The following PIK3C2G variants were observed in gnomAD, a reference collection of about 807,000 sequenced individuals.
PIK3C2G encodes phosphatidylinositol 3-kinase C2 domain-containing subunit gamma.
PIK3C2G carries 168 observed loss-of-function variants against 181.1 expected under a neutral mutation model. The observed-to-expected ratio is 0.93, with a 90% CI of 0.82 to 1.05. PIK3C2G has a LOEUF of 1.05. Among genes scored for constraint, PIK3C2G ranks in the 50% least tolerant of loss-of-function variants. The pLI is 0.00. For synonymous variants in PIK3C2G, 573 were observed against 592.2 expected (o/e 0.97, Z 0.47); for missense variants, 1,869 against 1,732.8 (o/e 1.08, Z -1.40).
chr12:18,470,974 A>G (rs866017680), intron 18 of PIK3C2G, among the ~76,000 whole-genome samples: 1 of 152,158 alleles, frequency 6.6e-6, no homozygotes, highest in South Asian at 2.1e-4. Flanking sequence ...TTAATTTTAT[A>G]TATCCAAAGA....
intron 18 of PIK3C2G, among the ~76,000 whole-genome samples, chr12:18,486,652 A>C (rs966424707): frequency 3.3e-5 from 5 of 152,024 alleles, no homozygotes; most frequent in Non-Finnish European, 7.4e-5. Flanking sequence ...AGATCAGGTT[A>C]AAAATACTTA....
At chr12:18,440,639 G>A (rs1005983229) in intron 18 of PIK3C2G, among the ~76,000 whole-genome samples, 1 of 152,090 alleles carries the variant, frequency 6.6e-6, no homozygotes, top group Non-Finnish European at 1.5e-5. Flanking sequence ...TGGGGTGTTG[G>A]GAGGACAACA....
At chr12:18,464,228 C>T (rs1948067364) in intron 18 of PIK3C2G, among the ~76,000 whole-genome samples, 1 of 152,050 alleles carries the variant, frequency 6.6e-6, no homozygotes, top group African/African-American at 2.4e-5. Flanking sequence ...TGGTGAGCAC[C>T]TTTTCCTCAT....
At chr12:18,636,877 C>T (rs1949626543) in intron 31 of PIK3C2G, among the ~76,000 whole-genome samples, 1 of 152,178 alleles carries the variant, frequency 6.6e-6, no homozygotes, top group Non-Finnish European at 1.5e-5. Context: ...TCCCACTTCA[C>T]CTTTTTCACC....
rs34500497 is a variant in PIK3C2G at position 18,469,778 on chromosome 12, T to TAA, written c.2505-18658_2505-18657dup. 2.3e-3 allele frequency among the ~76,000 whole-genome samples: 334 copies of TAA among 146,510 alleles called. 1 individual carries two copies. The highest frequency in any genetic ancestry group is 5.7e-3 in the African/African-American group (230 of 40,324). On this transcript the variant is annotated intron_variant, in intron 18 of 32. Coordinates refer to ENST00000538779, the MANE Select transcript of PIK3C2G (RefSeq NM_001288772.2). ...TTAATTCACCTGTGAAGTCTCTCTT[T>TAA]AAAAAAAAAAAAAAGCTTATTACAC...
the PIK3C2G span, among the ~76,000 whole-genome samples, chr12:18,700,402 C>T: frequency 2.1e-4 from 31 of 149,818 alleles, no homozygotes; most frequent in African/African-American, 7.4e-4. Context: ...TGCTCATGCT[C>T]AATCCAAGTA....
intron 14 of PIK3C2G, among the ~76,000 whole-genome samples, chr12:18,389,906 A>C (rs1358829824): frequency 6.6e-6 from 1 of 152,188 alleles, no homozygotes; most frequent in Non-Finnish European, 1.5e-5. Flanking sequence ...TAGTATCAAC[A>C]TAAAATTATA....
rs1949638361 is a variant in PIK3C2G at position 18,290,339 on chromosome 12, T to G, written c.762-516T>G. Reference sequence around the variant, plus strand: ...TTACTTTTAGGCTCCAATATTTGTGTAAAATTCAAGTAGTTGTGTAGTATC... The same window carrying G: ...TTACTTTTAGGCTCCAATATTTGTGGAAAATTCAAGTAGTTGTGTAGTATC... On this transcript the variant is annotated intron_variant, in intron 3 of 32. Transcript: ENST00000538779. Among the ~76,000 whole-genome samples, 4 of 152,214 alleles carry G rather than the reference T, an allele frequency of 2.6e-5. No individual in the cohort carries two copies. The South Asian group carries it at 8.3e-4, about 31-fold the overall frequency.
intron 25 of PIK3C2G, among the ~76,000 whole-genome samples, chr12:18,542,391 A>AT (rs972089930): frequency 6.6e-5 from 10 of 151,608 alleles, no homozygotes; most frequent in Non-Finnish European, 1.5e-4. Flanking sequence ...AGCATCAAGT[A>AT]TTTTTTTCTC....
chr12:18,628,039 G>A (rs149480504), intron 31 of PIK3C2G, among the ~76,000 whole-genome samples: 1 of 152,146 alleles, frequency 6.6e-6, no homozygotes, highest in East Asian at 1.9e-4. Context: ...TCACATTCCT[G>A]GTAAAACTTG....
intron 13 of PIK3C2G, among the ~76,000 whole-genome samples, chr12:18,376,791 CA>C (rs1309842235): frequency 6.6e-6 from 1 of 152,078 alleles, no homozygotes; most frequent in African/African-American, 2.4e-5. Flanking sequence ...GGTTGGTTGG[CA>C]GTGTGTGGCA....
intron 29 of PIK3C2G, among the ~76,000 whole-genome samples, chr12:18,593,141 G>C (rs1451211148): frequency 1.3e-5 from 2 of 151,774 alleles, no homozygotes; most frequent in African/African-American, 4.8e-5. Context: ...AAAGACACCA[G>C]TCAATTGGAT....
chr12:18,399,730 C>T lies in PIK3C2G; in HGVS notation c.2198C>T (p.Pro733Leu). The change falls in exon 16 of 33, where the codon CCT becomes CTT. Residue 733 changes from proline to leucine, a missense_variant. Transcript: ENST00000538779. ...TGCAATAATGAAAACTGCTCCCTTC[C>T]TTTAGTCCTGGGTAGTGCCCCTGGA... ...FYCNNENCSL[P>L]LVLGSAPGWD... The T allele has an allele frequency of 6.2e-7, 1 of 1,604,436 alleles. No individual in the cohort carries two copies. The highest frequency in any genetic ancestry group is 8.5e-7 in the Non-Finnish European group (1 of 1,173,016).
intron 26 of PIK3C2G, among the ~76,000 whole-genome samples, chr12:18,553,105 C>T (rs534079320): frequency 1.3e-5 from 2 of 152,058 alleles, no homozygotes; most frequent in Non-Finnish European, 2.9e-5. Context: ...TCTGACCCTA[C>T]GCATTGCATA....
chr12:18,337,936 G>A (rs751655657), intron 8 of PIK3C2G, among the ~76,000 whole-genome samples: 5 of 152,260 alleles, frequency 3.3e-5, no homozygotes, highest in Non-Finnish European at 5.9e-5. Context: ...AGTTTGTTCC[G>A]ATTTTCTAGT....
chr12:18,570,339 G>C (rs1432243893), intron 29 of PIK3C2G, among the ~76,000 whole-genome samples: 1 of 142,040 alleles, frequency 7.0e-6, no homozygotes, highest in Non-Finnish European at 1.5e-5. Flanking sequence ...CTCCCCAGTA[G>C]CTGGGATTAC....
intron 18 of PIK3C2G, among the ~76,000 whole-genome samples, chr12:18,468,214 T>C (rs1490388093): frequency 6.6e-6 from 1 of 151,916 alleles, no homozygotes; most frequent in African/African-American, 2.4e-5. Flanking sequence ...CTGGAGTTAG[T>C]CTGCAATTTT....
intron 1 of PIK3C2G, among the ~76,000 whole-genome samples, chr12:18,276,196 A>C (rs1948979690): frequency 6.6e-6 from 1 of 152,158 alleles, no homozygotes; most frequent in South Asian, 2.1e-4. Context: ...TGCAGCCCCC[A>C]GCAAGTGTCA....
chr12:18,378,817 C>G (rs1942638016), intron 13 of PIK3C2G, among the ~76,000 whole-genome samples: 1 of 152,150 alleles, frequency 6.6e-6, no homozygotes, highest in Non-Finnish European at 1.5e-5. Context: ...CAATGAGATA[C>G]CATCTCACAC....
Sources: allele counts gnomAD v4.1 joint callset (sites outside exome capture counted in the v4.1 genomes callset), GRCh38; gene constraint gnomAD v4.1.1; transcripts MANE v1.5; gene names NCBI Gene and HGNC (gene_info 2026-07-23, HGNC 2026-07-21).